HIPK2: variants seen among roughly 807,000 people sequenced by gnomAD.
The protein encoded by HIPK2 is homeodomain interacting protein kinase 2, also known as homeodomain-interacting protein kinase 2.
Under a neutral mutation model 113.7 loss-of-function variants are expected in HIPK2, and 27 were observed. That is an observed-to-expected ratio of 0.24 (90% CI 0.17 to 0.33). The LOEUF (loss-of-function observed/expected upper bound fraction) is 0.33, where lower values mean the gene tolerates loss of function less well. Among genes scored for constraint, HIPK2 ranks in the 10% least tolerant of loss-of-function variants. The probability of loss-of-function intolerance (pLI) is 1.00; values close to 1 mark genes in which losing one functional copy is unlikely to be tolerated. For missense variants in HIPK2, 1,257 were observed against 1,588.0 expected, an observed-to-expected ratio of 0.79 and a Z score of 3.54; for synonymous variants, 631 against 642.2, an observed-to-expected ratio of 0.98 and a Z score of 0.26.
intron 1 of HIPK2, among the ~76,000 whole-genome samples, chr7:139,741,908 A>T (rs1419649903): frequency 2.6e-5 from 4 of 152,110 alleles, no homozygotes; most frequent in Non-Finnish European, 5.9e-5. Flanking sequence ...CTTTACATAC[A>T]CTCTCTCATC....
Position 139,564,241 on chromosome 7 carries a change from C to T in HIPK2, c.*8686G>A. On this transcript the variant is annotated 3_prime_UTR_variant, in exon 15 of 15. Coordinates refer to ENST00000406875, the MANE Select transcript of HIPK2 (RefSeq NM_022740.5). ...GACAGCAGATATATGGAAAACCCAG[C>T]CAGCGACCATGGGAATAGGGGTATA... is the stretch of plus-strand genomic sequence containing the variant. 3.6e-6 allele frequency: 1 copy of T among 281,268 alleles called. No individual in the cohort carries two copies. Among genetic ancestry groups the T allele is most frequent in the Non-Finnish European group, 6.5e-6 (1 of 152,754 alleles). 17.4% of individuals were successfully genotyped at this position (281,268 alleles called of 1,614,324 possible).
chr7:139,648,374 G>T (rs1000060040), intron 2 of HIPK2, among the ~76,000 whole-genome samples: 1 of 152,130 alleles, frequency 6.6e-6, no homozygotes, highest in Non-Finnish European at 1.5e-5. Flanking sequence ...GACTTCAGAT[G>T]ATCACAGAAC....
intron 1 of HIPK2, among the ~76,000 whole-genome samples, chr7:139,748,115 C>T (rs1021063849): frequency 1.3e-5 from 2 of 152,238 alleles, no homozygotes; most frequent in South Asian, 2.1e-4. Context: ...CTAAAAAACT[C>T]AGTGAGGGAA....
rs147585606 is a variant in HIPK2 at position 139,651,614 on chromosome 7, G to A, written c.1104-19889C>T. 3.3e-3 allele frequency among the ~76,000 whole-genome samples: 510 copies of A among 152,286 alleles called. 3 individuals are homozygous for A. The highest frequency in any genetic ancestry group is 0.012 in the African/African-American group (488 of 41,554). On this transcript the variant is annotated intron_variant, in intron 2 of 14. Coordinates refer to ENST00000406875, the MANE Select transcript of HIPK2 (RefSeq NM_022740.5). The stretch of plus-strand genomic sequence containing the variant: ...AGTTCGTGACTCCTAGGAGAGAGGC[G>A]AGCTGGAGGGGGACAAATGAAACAC...
In HIPK2 at chr7:139,604,130, T is replaced by C. The variant is rs1799534367; in HGVS notation, c.2206A>G (p.Thr736Ala). The C allele has an allele frequency of 6.2e-7, 1 of 1,613,994 alleles. No individual in the cohort carries two copies. Among genetic ancestry groups the C allele is most frequent in the Non-Finnish European group, 8.5e-7 (1 of 1,179,890 alleles). Residue 736 changes from threonine (T) to alanine (A), a missense_variant, in exon 10 of 15, where the codon ACC (threonine) becomes GCC (alanine). Around this residue, in one of 5 missense-constraint regions of HIPK2, gnomAD observed 862 missense variants for 1,004.3 expected, o/e 0.86. Transcript: ENST00000406875. Reference protein sequence around the residue: ...VATHTSVQHATVIPETMAGTQ... With the variant: ...VATHTSVQHAAVIPETMAGTQ... ...CCTGCCATGGTCTCGGGAATCACGG[T>C]GGCATGCTGCACTGATGTGTGGGTG... is the stretch of plus-strand genomic sequence containing the variant.
At position 139,777,744 on chromosome 7, in the gene HIPK2, CGA is replaced by C. The variant is rs1218973168; in HGVS notation, c.-123_-122del. 6 of 922,754 alleles carry C rather than the reference CGA, an allele frequency of 6.5e-6. No individual in the cohort carries two copies. Among genetic ancestry groups the C allele is most frequent in the African/African-American group, 1.8e-5 (1 of 55,194 alleles). The allele number at this position is 922,754 out of a possible 1,614,324, so 57.2% of individuals were successfully genotyped here. ...CCTGTGTCTCCGCTCTCGGCGCAGC[CGA>C]GGCCGCCCGCGCCCGCATCACCGCC... On this transcript the variant is annotated 5_prime_UTR_variant, in exon 1 of 15. The change abolishes the stop of an existing upstream ORF in the 5' untranslated region. Coordinates refer to ENST00000406875, the MANE Select transcript of HIPK2 (RefSeq NM_022740.5).
At chr7:139,573,727 A>C (rs868785878) in intron 14 of HIPK2, among the ~76,000 whole-genome samples, 7 of 152,112 alleles carry the variant, frequency 4.6e-5, no homozygotes, top group African/African-American at 1.7e-4. Flanking sequence ...CCTTGTCTGT[A>C]GTCCCAGCTA....
At chr7:139,695,280 C>G (rs1794529551) in intron 2 of HIPK2, among the ~76,000 whole-genome samples, 1 of 152,202 alleles carries the variant, frequency 6.6e-6, no homozygotes, top group Admixed American at 6.5e-5. Context: ...TGGTCCTCGT[C>G]ATCAAAGTGA....
intron 2 of HIPK2, among the ~76,000 whole-genome samples, chr7:139,632,956 T>G (rs990994378): frequency 1.3e-5 from 2 of 150,948 alleles, no homozygotes; most frequent in African/African-American, 4.9e-5. Flanking sequence ...ATTAGCAGGG[T>G]GCGGTGGTGT....
At chr7:139,620,994 A>T (rs527952651) in intron 6 of HIPK2, among the ~76,000 whole-genome samples, 2 of 152,316 alleles carry the variant, frequency 1.3e-5, no homozygotes, top group Non-Finnish European at 2.9e-5. Context: ...CAACCCTTGT[A>T]GTCACCTGCT....
chr7:139,618,165 A>G (rs530966562), intron 7 of HIPK2, among the ~76,000 whole-genome samples: 1 of 152,364 alleles, frequency 6.6e-6, no homozygotes, highest in South Asian at 2.1e-4. Flanking sequence ...AATGATAATA[A>G]TAAAACCTAT....
rs1003480021 is a variant in HIPK2, at chr7:139,568,876, T to G, written c.*4051A>C. On this transcript the variant is annotated 3_prime_UTR_variant, in exon 15 of 15. Coordinates refer to ENST00000406875, the MANE Select transcript of HIPK2 (RefSeq NM_022740.5). ...CCATTGGGTGAGGACTAGGAGAATG[T>G]GCACTAATGTTTGCTGAGCGTCTGT... The G allele has an allele frequency of 1.3e-5, 2 of 152,322 alleles. No homozygotes were observed. Among genetic ancestry groups the G allele is most frequent in the Non-Finnish European group, 2.9e-5 (2 of 68,108 alleles). The allele number at this position is 152,322 out of a possible 1,614,324, so 9.4% of individuals were successfully genotyped here.
intron 2 of HIPK2, among the ~76,000 whole-genome samples, chr7:139,680,053 G>A (rs2116701300): frequency 6.6e-6 from 1 of 152,328 alleles, no homozygotes; most frequent in Non-Finnish European, 1.5e-5. Context: ...CGGAAGGCCG[G>A]AAAGCAGGGG....
intron 2 of HIPK2, among the ~76,000 whole-genome samples, chr7:139,706,260 T>C (rs1421309791): frequency 6.6e-6 from 1 of 152,152 alleles, no homozygotes; most frequent in African/African-American, 2.4e-5. Flanking sequence ...TGGGAATAAG[T>C]GTTTTTGGTG....
At chr7:139,642,788 C>CCA (rs1225437969) in intron 2 of HIPK2, among the ~76,000 whole-genome samples, 1 of 152,174 alleles carries the variant, frequency 6.6e-6, no homozygotes, top group Non-Finnish European at 1.5e-5. Context: ...GACAAGGGGC[C>CCA]CACCCATTGC....
At chr7:139,726,891 A>G (rs1795593178) in intron 1 of HIPK2, among the ~76,000 whole-genome samples, 1 of 152,232 alleles carries the variant, frequency 6.6e-6, no homozygotes, top group Non-Finnish European at 1.5e-5. Context: ...TCATGCCCCA[A>G]AGGGACTAAG....
chr7:139,575,276 T>C lies in HIPK2; in HGVS notation c.2978A>G (p.His993Arg), dbSNP rs1200441504. ...CTTGGACTTGTAGGAGGACGAGTGG[T>C]GACTGGTGTTGACTGTGGCGGGAGG... Reference protein sequence around the residue: ...CDSLVPVNTSHHSSSYKSKSS... With the variant: ...CDSLVPVNTSRHSSSYKSKSS... The change falls in exon 14 of 15, where the codon CAC becomes CGC. Residue 993 changes from histidine (H) to arginine (R), a missense_variant. By Grantham distance (29) the His-to-Arg change is conservative. Coordinates refer to ENST00000406875, the MANE Select transcript of HIPK2 (RefSeq NM_022740.5). 1 of 1,569,446 alleles carries C rather than the reference T, an allele frequency of 6.4e-7. No individual in the cohort carries two copies.
At chr7:139,593,065 A>T (rs999751697) in intron 12 of HIPK2, among the ~76,000 whole-genome samples, 30 of 152,220 alleles carry the variant, frequency 2.0e-4, no homozygotes, top group African/African-American at 7.2e-4. Flanking sequence ...TGACCTGCAC[A>T]CAGTGGCATA....
At chr7:139,712,648 G>A (rs1022590634) in intron 2 of HIPK2, among the ~76,000 whole-genome samples, 4 of 152,206 alleles carry the variant, frequency 2.6e-5, no homozygotes, top group Non-Finnish European at 2.9e-5. Context: ...ATCTGAAAGC[G>A]TCTTCTTTCT....
Sources: allele counts gnomAD v4.1 joint callset (sites outside exome capture counted in the v4.1 genomes callset), GRCh38; gene constraint gnomAD v4.1.1; regional missense constraint gnomAD v4.1.1; transcripts MANE v1.5; gene names NCBI Gene and HGNC (gene_info 2026-07-23, HGNC 2026-07-21).